Variants in KCNH7 observed in about 807,000 individuals in gnomAD.
The protein encoded by KCNH7 is potassium voltage-gated channel subfamily H member 7.
Under a neutral mutation model 120.8 loss-of-function variants are expected in KCNH7, and 49 were observed. The observed-to-expected ratio is 0.41, with a 90% CI of 0.32 to 0.51. The LOEUF (loss-of-function observed/expected upper bound fraction) is 0.51. KCNH7 is among the 20% of genes least tolerant of loss of function. The pLI is 0.38. For synonymous variants in KCNH7, 547 were observed against 516.1 expected (o/e 1.06, Z -0.81); for missense variants, 1,097 against 1,446.6 (o/e 0.76, Z 3.92).
intron 2 of KCNH7, among the ~76,000 whole-genome samples, chr2:162,604,865 A>G (rs1019253138): frequency 2.0e-5 from 3 of 152,144 alleles, no homozygotes; most frequent in Non-Finnish European, 2.9e-5. Flanking sequence ...CAAAGCAAGA[A>G]AAGTCTATGT....
At chr2:162,416,973 T>G (rs1451337196) in intron 9 of KCNH7, among the ~76,000 whole-genome samples, 1 of 152,178 alleles carries the variant, frequency 6.6e-6, no homozygotes, top group Non-Finnish European at 1.5e-5. Flanking sequence ...GAAAAACAAT[T>G]AAAATATATC....
At chr2:162,658,041 T>C (rs1018520054) in intron 2 of KCNH7, among the ~76,000 whole-genome samples, 5 of 151,776 alleles carry the variant, frequency 3.3e-5, no homozygotes, top group South Asian at 4.2e-4. Context: ...AATTAGATTA[T>C]TGCCTATATA....
intron 2 of KCNH7, among the ~76,000 whole-genome samples, chr2:162,668,847 T>C (rs1330886529): frequency 6.6e-6 from 1 of 152,166 alleles, no homozygotes; most frequent in South Asian, 2.1e-4. Flanking sequence ...CGTAAGTACA[T>C]ACAAAGATTT....
intron 3 of KCNH7, among the ~76,000 whole-genome samples, chr2:162,526,790 T>G (rs1295659518): frequency 6.6e-6 from 1 of 152,006 alleles, no homozygotes; most frequent in Non-Finnish European, 1.5e-5. Flanking sequence ...TAAGCGGACA[T>G]ACATCCTCCT....
intron 15 of KCNH7, among the ~76,000 whole-genome samples, chr2:162,372,457 G>A (rs1212316676): frequency 1.3e-5 from 2 of 152,122 alleles, no homozygotes; most frequent in South Asian, 4.1e-4. Context: ...AAGGAGGAAA[G>A]AAAAGATGGG....
intron 2 of KCNH7, among the ~76,000 whole-genome samples, chr2:162,625,545 A>G (rs1205672066): frequency 1.3e-5 from 2 of 152,098 alleles, no homozygotes; most frequent in African/African-American, 2.4e-5. Context: ...AGGCAGCAAG[A>G]CCCCATTTTA....
rs4001398 is a variant in KCNH7, at chr2:162,477,817, T to TATCCATCCATCCATCC, written c.1128+26610_1128+26625dup. On this transcript the variant is annotated intron_variant, in intron 6 of 15. Transcript: ENST00000332142. ...CTATATAGCCTTCTGCCCAAACATC[T>TATCCATCCATCCATCC]ATCCATCCATCCATCCATCCATCCA... 2.3e-3 allele frequency among the ~76,000 whole-genome samples: 342 copies of TATCCATCCATCCATCC among 149,004 alleles called. 3 individuals carry two copies. Among genetic ancestry groups the TATCCATCCATCCATCC allele is most frequent in the African/African-American group, 7.8e-3 (310 of 39,694 alleles).
chr2:162,403,615 T>C lies in KCNH7; in HGVS notation c.2155-3174A>G, dbSNP rs1456242526. 2.6e-5 allele frequency among the ~76,000 whole-genome samples: 4 copies of C among 151,962 alleles called. No individual in the cohort carries two copies. The East Asian group carries it at 7.8e-4, about 29-fold the overall frequency. On this transcript the variant is annotated intron_variant, in intron 9 of 15. Coordinates refer to ENST00000332142, the MANE Select transcript of KCNH7 (RefSeq NM_033272.4). The stretch of plus-strand genomic sequence containing the variant: ...ACCCATTGGAAAGGATAACATCAAG[T>C]TGGAGCTGCTGTTGTTGCATGGAGA...
chr2:162,531,314 C>T (rs1691917344), intron 3 of KCNH7, among the ~76,000 whole-genome samples: 1 of 152,092 alleles, frequency 6.6e-6, no homozygotes, highest in East Asian at 1.9e-4. Context: ...TAAACGGACA[C>T]ATTATCTTTT....
chr2:162,711,979 T>C (rs959914395), intron 2 of KCNH7, among the ~76,000 whole-genome samples: 3 of 152,284 alleles, frequency 2.0e-5, no homozygotes, highest in African/African-American at 7.2e-5. Context: ...CCCATCTGTC[T>C]TTTTCCCTTT....
intron 9 of KCNH7, among the ~76,000 whole-genome samples, chr2:162,412,807 C>T (rs957555216): frequency 6.6e-5 from 10 of 152,128 alleles, no homozygotes; most frequent in Non-Finnish European, 1.3e-4. Flanking sequence ...ATATCATTTA[C>T]AGTCCTCCTG....
At chr2:162,673,110 G>T (rs532369239) in intron 2 of KCNH7, among the ~76,000 whole-genome samples, 3 of 151,986 alleles carry the variant, frequency 2.0e-5, no homozygotes, top group African/African-American at 7.2e-5. Flanking sequence ...CTTTAAAATA[G>T]CTGATATTTG....
chr2:162,557,398 C>G (rs764121195), intron 2 of KCNH7, among the ~76,000 whole-genome samples: 11 of 152,168 alleles, frequency 7.2e-5, no homozygotes, highest in African/African-American at 1.2e-4. Flanking sequence ...AAGCTTACAA[C>G]CAGCACAGCA....
chr2:162,528,561 C>A (rs532428802), intron 3 of KCNH7, among the ~76,000 whole-genome samples: 1 of 151,968 alleles, frequency 6.6e-6, no homozygotes, highest in Admixed American at 6.6e-5. Flanking sequence ...TTCAAGGAAC[C>A]CGCACTAAAA....
At chr2:162,620,034 A>G (rs112386976) in intron 2 of KCNH7, among the ~76,000 whole-genome samples, 20 of 151,790 alleles carry the variant, frequency 1.3e-4, no homozygotes, top group African/African-American at 4.3e-4. Context: ...CAGACCCACT[A>G]TACACAGTAT....
chr2:162,609,228 TA>T (rs140446663), intron 2 of KCNH7, among the ~76,000 whole-genome samples: 2,376 of 152,268 alleles, frequency 0.016, 64 homozygotes, highest in African/African-American at 0.054. Context: ...ACTTCATCTA[TA>T]AGTAAAGCCC....
intron 2 of KCNH7, among the ~76,000 whole-genome samples, chr2:162,649,102 T>G (rs1222417021): frequency 6.6e-6 from 1 of 152,168 alleles, no homozygotes; most frequent in Non-Finnish European, 1.5e-5. Flanking sequence ...AGATGGAAAT[T>G]TCATTAAGAC....
intron 2 of KCNH7, among the ~76,000 whole-genome samples, chr2:162,688,347 A>G (rs1685970846): frequency 6.6e-6 from 1 of 152,220 alleles, no homozygotes; most frequent in Non-Finnish European, 1.5e-5. Flanking sequence ...TTTTTCACCC[A>G]TAAAGCTCTA....
intron 6 of KCNH7, among the ~76,000 whole-genome samples, chr2:162,503,552 T>C (rs1045711584): frequency 1.3e-5 from 2 of 152,068 alleles, no homozygotes; most frequent in African/African-American, 4.8e-5. Context: ...CTATTTCAGC[T>C]CACACATAAG....
Sources: allele counts gnomAD v4.1 joint callset (sites outside exome capture counted in the v4.1 genomes callset), GRCh38; gene constraint gnomAD v4.1.1; transcripts MANE v1.5; gene names NCBI Gene and HGNC (gene_info 2026-07-23, HGNC 2026-07-21).